Variants in PIKFYVE observed in about 807,000 individuals in gnomAD.
The protein encoded by PIKFYVE is 1-phosphatidylinositol 3-phosphate 5-kinase.
A neutral mutation model predicts 257.9 loss-of-function variants in PIKFYVE; 122 were observed. The ratio of observed to expected loss-of-function variants is 0.47; its 90% confidence interval spans 0.41 to 0.55. The LOEUF is 0.55. Among genes scored for constraint, PIKFYVE ranks in the 20% least tolerant of loss-of-function variants. PIKFYVE has a pLI of 0.00. For synonymous variants in PIKFYVE, 892 were observed against 868.9 expected (o/e 1.03, Z -0.47); for missense variants, 2,160 against 2,536.6 (o/e 0.85, Z 3.19).
chr2:208,325,868 A>G lies in PIKFYVE; in HGVS notation c.3057A>G (p.Leu1019=). 6.2e-7 allele frequency: 1 copy of G among 1,614,138 alleles called. No homozygotes were observed. Among genetic ancestry groups the G allele is most frequent in the South Asian group, 1.1e-5 (1 of 91,082 alleles). The change falls in exon 20 of 42, where the codon CTA becomes CTG. Residue 1019 remains leucine, a synonymous_variant. Coordinates refer to ENST00000264380, the MANE Select transcript of PIKFYVE (RefSeq NM_015040.4). ...KSQIRAFRDP[L]QDDTGLYVTE... is the part of the protein sequence containing the mutation. ...AGATAAGAGCCTTTAGAGACCCTCT[A>G]CAGGATGACACTGGATTATATGTTA...
In PIKFYVE at chr2:208,333,419, T is replaced by C; in HGVS notation, c.4068T>C (p.Ala1356=). 1 of 1,614,108 alleles carries C rather than the reference T, an allele frequency of 6.2e-7. No individual in the cohort carries two copies. ...YGHQYTRRAN[A]EPCGHSIHHD... ...ACCAGTATACTCGCAGAGCCAACGC[T>C]GAGCCCTGTGGTCACTCCATCCATC... Residue 1356 remains alanine (A), a synonymous_variant, in exon 24 of 42, where the codon GCT becomes GCC. Transcript: ENST00000264380.
chr2:208,333,274 C>G (rs1697762941), intron 23 of PIKFYVE, 41 bp from the exon 24 acceptor site: 1 of 1,572,316 alleles, frequency 6.4e-7, no homozygotes, highest in Middle Eastern at 1.7e-4. Context: ...AAAAGAGATT[C>G]TCAATATGTG....
Position 208,350,034 on chromosome 2 carries a change from TGGA to T in PIKFYVE, c.5390_5392del (p.Gly1797del), listed in dbSNP as rs768187093. ...TATTAAACCTTTTAGATGAAGTAGA[TGGA>T]GGAGATACACAAAAGAAGCAACTCA... On this transcript the variant is annotated inframe_deletion, in exon 36 of 42. Coordinates refer to ENST00000264380, the MANE Select transcript of PIKFYVE (RefSeq NM_015040.4). 79 of 1,611,924 alleles carry T rather than the reference TGGA, an allele frequency of 4.9e-5. No homozygotes were observed. In the Middle Eastern group the frequency reaches 6.6e-4, roughly 13 times the overall value.
chr2:208,312,356 G>A, intron 13 of PIKFYVE, 61 bp downstream of exon 13: 1 of 1,318,956 alleles, frequency 7.6e-7, no homozygotes, highest in Non-Finnish European at 1.1e-6. Context: ...GATATACTTA[G>A]GGCTTAGCAC....
chr2:208,294,217 T>C (rs1439258073), intron 7 of PIKFYVE, among the ~76,000 whole-genome samples: 1 of 152,224 alleles, frequency 6.6e-6, no homozygotes, highest in Non-Finnish European at 1.5e-5. Context: ...TCAAAGGCAC[T>C]CTTCTTTAAT....
Position 208,325,768 on chromosome 2 carries a change from A to AC in PIKFYVE, c.2959dup (p.Gln987ProfsTer30). 8.1e-6 allele frequency: 13 copies of AC among 1,613,850 alleles called. No individual in the cohort carries two copies. Among genetic ancestry groups the AC allele is most frequent in the Non-Finnish European group, 1.1e-5 (13 of 1,179,838 alleles). Reference sequence around the variant, plus strand: ...TCATTGTTGCCACTCCCTGTGGATGACCAACAAGATGCTTTAGGCAGCGAG... The same window carrying AC: ...TCATTGTTGCCACTCCCTGTGGATGACCCAACAAGATGCTTTAGGCAGCGAG... On this transcript the variant is annotated frameshift_variant, in exon 20 of 42. Coordinates refer to ENST00000264380, the MANE Select transcript of PIKFYVE (RefSeq NM_015040.4). LOFTEE classifies it high-confidence loss of function.
Position 208,315,341 on chromosome 2 carries a change from A to G in PIKFYVE, c.1975A>G (p.Met659Val), listed in dbSNP as rs1047828907. 1.2e-6 allele frequency: 2 copies of G among 1,614,136 alleles called. No homozygotes were observed. Among genetic ancestry groups the G allele is most frequent in the African/African-American group, 1.3e-5 (1 of 75,060 alleles). Reference sequence around the variant, plus strand: ...TGATGTCAAGAACCAGGATGATGACATGGATATCCGTCAGTTTGTCCACAT... The same window carrying G: ...TGATGTCAAGAACCAGGATGATGACGTGGATATCCGTCAGTTTGTCCACAT... The part of the protein sequence containing the change: ...RPDVKNQDDD[M>V]DIRQFVHIKK... Residue 659 changes from methionine (M) to valine (V), a missense_variant, in exon 15 of 42, where the codon ATG (methionine) becomes GTG (valine). By Grantham distance (21) the Met-to-Val change is conservative. This residue lies in a region of PIKFYVE where 346 missense variants were observed against 365.6 expected (regional missense o/e 0.95). Transcript: ENST00000264380.
At chr2:208,286,247 G>A (rs190072536) in intron 6 of PIKFYVE, among the ~76,000 whole-genome samples, 7 of 152,292 alleles carry the variant, frequency 4.6e-5, no homozygotes, top group African/African-American at 1.7e-4. Flanking sequence ...AACAAATTGA[G>A]ATTTTTAATT....
intron 20 of PIKFYVE, 32 bp from the exon 21 acceptor site, chr2:208,328,148 A>T: frequency 6.2e-7 from 1 of 1,613,102 alleles, no homozygotes; most frequent in Non-Finnish European, 8.5e-7. Flanking sequence ...GGTTGCAGTC[A>T]CTTGCTCATC....
At chr2:208,342,984 G>C (rs926719602) in intron 32 of PIKFYVE, among the ~76,000 whole-genome samples, 3 of 151,698 alleles carry the variant, frequency 2.0e-5, no homozygotes, top group African/African-American at 7.3e-5. Flanking sequence ...TAGTAGAGAT[G>C]GGGTTTCACC....
chr2:208,268,226 G>A (rs1470478069), intron 1 of PIKFYVE, among the ~76,000 whole-genome samples: 1 of 152,140 alleles, frequency 6.6e-6, no homozygotes, highest in Non-Finnish European at 1.5e-5. Flanking sequence ...CTTGCTAAGT[G>A]TTTTCATGGG....
At chr2:208,337,053 T>C in intron 28 of PIKFYVE, 125 bp downstream of exon 28, 3 of 720,446 alleles carry the variant, frequency 4.2e-6, no homozygotes, top group Non-Finnish European at 7.1e-6. Flanking sequence ...TTTTCCATTT[T>C]GAATTTGTGA....
At chr2:208,273,882 A>G in intron 3 of PIKFYVE, 149 bp downstream of exon 3, 2 of 1,365,426 alleles carry the variant, frequency 1.5e-6, no homozygotes, top group South Asian at 2.5e-5. Flanking sequence ...TGTTTAGAGT[A>G]AATAAAACTC....
chr2:208,338,607 T>TAA (rs750251461), intron 29 of PIKFYVE, 39 bp downstream of exon 29: 1 of 1,576,984 alleles, frequency 6.3e-7, no homozygotes, highest in Non-Finnish European at 8.7e-7. Flanking sequence ...CCGTAGGATT[T>TAA]AAAGAAATTT....
At chr2:208,305,049 G>A (rs377117612) in intron 12 of PIKFYVE, 36 bp downstream of exon 12, 2 of 1,612,856 alleles carry the variant, frequency 1.2e-6, no homozygotes, top group Non-Finnish European at 1.7e-6. Flanking sequence ...CCAAACACAG[G>A]CTGGACAGCT....
Position 208,305,586 on chromosome 2 carries a change from T to C in PIKFYVE, c.1636+573T>C, listed in dbSNP as rs1484012455. On this transcript the variant is annotated intron_variant, in intron 12 of 41. Coordinates refer to ENST00000264380, the MANE Select transcript of PIKFYVE (RefSeq NM_015040.4). ...TTTTTAGCTATCTTATTTGATGCTT[T>C]AGTCTACTGGCTGAAAAATAATAGT... 4.9e-6 allele frequency: 3 copies of C among 609,854 alleles called. No homozygotes were observed. The African/African-American group carries it at 6.0e-5, about 12-fold the overall frequency. 37.8% of individuals were successfully genotyped at this position (609,854 alleles called of 1,614,324 possible). A position where few individuals can be genotyped will look rare whatever the true frequency, so the allele number is the denominator to read the frequency against.
intron 5 of PIKFYVE, among the ~76,000 whole-genome samples, chr2:208,281,889 G>T (rs1221450316): frequency 6.6e-6 from 1 of 152,170 alleles, no homozygotes; most frequent in African/African-American, 2.4e-5. Flanking sequence ...TGAGAGTGTT[G>T]TTCTGATTTT....
rs374373003 is a variant in PIKFYVE at position 208,320,100 on chromosome 2, C to T, written c.2083-152C>T. ...TATTTGCTTTGAAAAAATTTAATAC[C>T]GTAAAAGAACTAAATGAGAATATAT... On this transcript the variant is annotated intron_variant, in intron 16 of 41. Transcript: ENST00000264380. 1,064 of 1,166,758 alleles carry T rather than the reference C, an allele frequency of 9.1e-4. 5 individuals carry two copies. Among genetic ancestry groups the T allele is most frequent in the Middle Eastern group, 6.4e-4 (2 of 3,110 alleles). 72.3% of individuals were successfully genotyped at this position (1,166,758 alleles called of 1,614,324 possible). A position where few individuals can be genotyped will look rare whatever the true frequency, so the allele number is the denominator to read the frequency against.
At chr2:208,335,722 T>G in intron 25 of PIKFYVE, 71 bp from the exon 26 acceptor site, 5 of 1,202,126 alleles carry the variant, frequency 4.2e-6, no homozygotes, top group Non-Finnish European at 6.1e-6. Context: ...TGTAGCTTTT[T>G]TTTCTATTTA....
Sources: allele counts gnomAD v4.1 joint callset (sites outside exome capture counted in the v4.1 genomes callset), GRCh38; gene constraint gnomAD v4.1.1; regional missense constraint gnomAD v4.1.1; transcripts MANE v1.5; gene names NCBI Gene and HGNC (gene_info 2026-07-23, HGNC 2026-07-21).